Variants in ZNF547 observed in about 807,000 individuals in gnomAD.
The protein encoded by ZNF547 is zinc finger protein 547.
Under a neutral mutation model 7.7 loss-of-function variants are expected in ZNF547, and 4 were observed. The observed-to-expected ratio is 0.52, with a 90% confidence interval of 0.26 to 1.20. The LOEUF (loss-of-function observed/expected upper bound fraction) is 1.20. Among genes scored for constraint, ZNF547 ranks in the 50% most tolerant of loss-of-function variants. ZNF547 has a pLI of 0.14. For missense variants in ZNF547, 449 were observed against 485.8 expected, an observed-to-expected ratio of 0.92 and a Z score of 0.71; for synonymous variants, 166 against 166.2, an observed-to-expected ratio of 1.00 and a Z score of 0.01.
chr19:57,365,710 T>C (rs1478339296), intron 1 of ZNF547, among the ~76,000 whole-genome samples: 3 of 152,076 alleles, frequency 2.0e-5, no homozygotes, highest in Non-Finnish European at 4.4e-5. Context: ...AGTTTCGCCA[T>C]GTTGGTCAGG....
At chr19:57,366,650 A>G (rs1445047373) in intron 1 of ZNF547, among the ~76,000 whole-genome samples, 1 of 146,594 alleles carries the variant, frequency 6.8e-6, no homozygotes, top group Non-Finnish European at 1.5e-5. Flanking sequence ...ACTTCAAGCG[A>G]TTCTCCTGCC....
At position 57,378,226 on chromosome 19, in the gene ZNF547, A is replaced by C; in HGVS notation, c.*41A>C. 1 of 1,553,374 alleles carries C rather than the reference A, an allele frequency of 6.4e-7. No homozygotes were observed. Among genetic ancestry groups the C allele is most frequent in the African/African-American group, 1.4e-5 (1 of 73,786 alleles). On this transcript the variant is annotated 3_prime_UTR_variant, in exon 4 of 4. Coordinates refer to ENST00000282282, the MANE Select transcript of ZNF547 (RefSeq NM_173631.4). ...AGTGGATATGGGAAAGCCTTCAGTCACCAACATATTGTGGCTGGACAGCAG... is the reference window on the plus strand; with the variant it reads ...AGTGGATATGGGAAAGCCTTCAGTCCCCAACATATTGTGGCTGGACAGCAG...
chr19:57,377,964 G>A lies in ZNF547; in HGVS notation c.988G>A (p.Gly330Arg). The A allele has an allele frequency of 6.2e-7, 1 of 1,614,142 alleles. No individual in the cohort carries two copies. Among genetic ancestry groups the A allele is most frequent in the Non-Finnish European group, 8.5e-7 (1 of 1,179,978 alleles). The change falls in exon 4 of 4, where the codon GGG becomes AGG. Residue 330 changes from glycine to arginine, a missense_variant. Gly to Arg is a moderately radical substitution (Grantham distance 125). Transcript: ENST00000282282. Reference sequence around the variant, plus strand: ...AAGGCCTTATGAGTGCAATGAATGTGGGAAATTCTTCAGCTTGAAATCCGT... The same window carrying A: ...AAGGCCTTATGAGTGCAATGAATGTAGGAAATTCTTCAGCTTGAAATCCGT... ...GERPYECNEC[G>R]KFFSLKSVLI...
Position 57,378,026 on chromosome 19 carries a change from G to T in ZNF547, c.1050G>T (p.Arg350=), listed in dbSNP as rs754081206. The stretch of plus-strand genomic sequence containing the variant: ...ACCAAAGAGTTCACACTGGAGAACG[G>T]CCTTATGAATGCAGTGAGTGTGGGA... The part of the protein sequence containing the change: ...IQHQRVHTGE[R]PYECSECGKA... The change falls in exon 4 of 4, where the codon CGG becomes CGT. Residue 350 remains arginine, a synonymous_variant. Transcript: ENST00000282282. 5.0e-6 allele frequency: 8 copies of T among 1,614,028 alleles called. No homozygotes were observed. Among genetic ancestry groups the T allele is most frequent in the Admixed American group, 1.7e-5 (1 of 59,988 alleles).
In ZNF547 at chr19:57,379,228, C is replaced by A. The variant is rs1191936024; in HGVS notation, c.*1043C>A. 6.6e-6 allele frequency: 1 copy of A among 152,222 alleles called. No homozygotes were observed. The highest frequency in any genetic ancestry group is 2.4e-5 in the African/African-American group (1 of 41,442). 9.4% of individuals were successfully genotyped at this position (152,222 alleles called of 1,614,324 possible). A position where few individuals can be genotyped will look rare whatever the true frequency, so the allele number is the denominator to read the frequency against. ...CTGCTGGATCACATGGTACTTCTAACTTTAATTCTTTGATGAACTGAGAAA... is the reference window on the plus strand; with the variant it reads ...CTGCTGGATCACATGGTACTTCTAAATTTAATTCTTTGATGAACTGAGAAA... On this transcript the variant is annotated 3_prime_UTR_variant, in exon 4 of 4. Transcript: ENST00000282282.
chr19:57,372,746 C>T (rs961505814), intron 3 of ZNF547, among the ~76,000 whole-genome samples: 2 of 152,244 alleles, frequency 1.3e-5, no homozygotes, highest in South Asian at 2.1e-4. Context: ...GCAGTGCCAT[C>T]CACTGCATGA....
chr19:57,371,783 G>T lies in ZNF547; in HGVS notation c.26G>T (p.Gly9Val), dbSNP rs770927381. 13 of 1,610,172 alleles carry T rather than the reference G, an allele frequency of 8.1e-6. No individual in the cohort carries two copies. Among genetic ancestry groups the T allele is most frequent in the Non-Finnish European group, 1.0e-5 (12 of 1,178,776 alleles). MAEMNPAQ[G>V]HVVFEDVAIY... ...TATTCATCTTTCCCAATTTGGCAGG[G>T]TCATGTGGTTTTTGAAGACGTGGCC... The change falls in exon 3 of 4, where the codon GGT (glycine) becomes GTT (valine). Residue 9 changes from glycine (G) to valine (V), a missense_variant and splice_region_variant. Coordinates refer to ENST00000282282, the MANE Select transcript of ZNF547 (RefSeq NM_173631.4).
chr19:57,368,542 AG>A lies in ZNF547; in HGVS notation c.-11del. ...TTTCTCACGGTTTCCCTCTTCCTTCAGGGTCCCCTGGCGATGGCAGAAATGA... is the reference window on the plus strand; with the variant it reads ...TTTCTCACGGTTTCCCTCTTCCTTCAGGTCCCCTGGCGATGGCAGAAATGA... On this transcript the variant is annotated splice_acceptor_variant, in intron 1 of 3. Coordinates refer to ENST00000282282, the MANE Select transcript of ZNF547 (RefSeq NM_173631.4). LOFTEE classifies it low-confidence loss of function (5UTR_SPLICE). 1 of 1,614,034 alleles carries A rather than the reference AG, an allele frequency of 6.2e-7. No individual in the cohort carries two copies. Among genetic ancestry groups the A allele is most frequent in the Non-Finnish European group, 8.5e-7 (1 of 1,179,932 alleles).
At chr19:57,370,067 A>G (rs552739477) in intron 2 of ZNF547, among the ~76,000 whole-genome samples, 69 of 151,648 alleles carry the variant, frequency 4.6e-4, no homozygotes, top group African/African-American at 1.6e-3. Flanking sequence ...TAATTTTTGT[A>G]TTTTTAGTAG....
chr19:57,365,243 ACCTT>A (rs1203151040), intron 1 of ZNF547: 1 of 1,566,702 alleles, frequency 6.4e-7, no homozygotes, highest in African/African-American at 1.4e-5. Context: ...GGGAAGAAAC[ACCTT>A]TTAAGCTGAA....
chr19:57,366,603 G>T lies in ZNF547; in HGVS notation c.-12-1941G>T, dbSNP rs1256272107. Among the ~76,000 whole-genome samples the T allele has an allele frequency of 3.5e-5, 5 of 144,020 alleles. No homozygotes were observed. The East Asian group carries it at 8.3e-4, about 24-fold the overall frequency. The allele number at this position is 144,020 out of a possible 152,430, so 94.5% of individuals were successfully genotyped here. ...TTTGCTCTGTCGTCCAGGCTGGAGT[G>T]CAGTGGCGCTTGGCTCACTGCAACC... On this transcript the variant is annotated intron_variant, in intron 1 of 3. Transcript: ENST00000282282.
At chr19:57,369,896 G>GTTTTTTTTTTTTTTTTTT (rs1300181023) in intron 2 of ZNF547, among the ~76,000 whole-genome samples, 3 of 33,836 alleles carry the variant, frequency 8.9e-5, no homozygotes, top group African/African-American at 2.0e-4. Flanking sequence ...TTGACTCACA[G>GTTTTTTTTTTTTTTTTTT]TTCTTTTTTT....
In ZNF547 at chr19:57,377,742, AT is replaced by A; in HGVS notation, c.768del (p.Thr257HisfsTer79). On this transcript the variant is annotated frameshift_variant, in exon 4 of 4. Transcript: ENST00000282282. LOFTEE classifies it low-confidence loss of function (END_TRUNC). ...GKLFMWSSTL[I>X]THQRVHTGKR... Reference sequence around the variant, plus strand: ...ATTGTTTATGTGGAGTTCCACACTCATTACACATCAGAGGGTTCACACTGGA... The same window carrying A: ...ATTGTTTATGTGGAGTTCCACACTCATACACATCAGAGGGTTCACACTGGA... The A allele has an allele frequency of 6.2e-7, 1 of 1,614,118 alleles. No individual in the cohort carries two copies. Among genetic ancestry groups the A allele is most frequent in the Non-Finnish European group, 8.5e-7 (1 of 1,180,012 alleles).
At chr19:57,375,624 T>G (rs1420979534) in intron 3 of ZNF547, among the ~76,000 whole-genome samples, 1 of 132,496 alleles carries the variant, frequency 7.5e-6, no homozygotes, top group Non-Finnish European at 1.5e-5. Context: ...ATCAAGCCAC[T>G]GCACTCCAGG....
intron 3 of ZNF547, among the ~76,000 whole-genome samples, chr19:57,374,306 T>A (rs1289011879): frequency 6.6e-6 from 1 of 152,200 alleles, no homozygotes; most frequent in Non-Finnish European, 1.5e-5. Flanking sequence ...GGGCGCCATG[T>A]CCCGAGGCTG....
chr19:57,365,329 T>C, intron 1 of ZNF547: 2 of 1,021,640 alleles, frequency 2.0e-6, no homozygotes, highest in South Asian at 1.5e-5. Context: ...TGTAAATTAC[T>C]TGATTAAATA....
At position 57,368,534 on chromosome 19, in the gene ZNF547, C is replaced by A; in HGVS notation, c.-12-10C>A. ...GTTGCCCATTTCTCACGGTTTCCCT[C>A]TTCCTTCAGGGTCCCCTGGCGATGG... On this transcript the variant is annotated splice_polypyrimidine_tract_variant and intron_variant, in intron 1 of 3. Coordinates refer to ENST00000282282, the MANE Select transcript of ZNF547 (RefSeq NM_173631.4). The A allele has an allele frequency of 6.2e-7, 1 of 1,614,048 alleles. No homozygotes were observed. The highest frequency in any genetic ancestry group is 1.1e-5 in the South Asian group (1 of 91,064).
chr19:57,374,901 C>G (rs2088526898), intron 3 of ZNF547, among the ~76,000 whole-genome samples: 2 of 152,100 alleles, frequency 1.3e-5, no homozygotes, highest in Admixed American at 1.3e-4. Flanking sequence ...CCAAACTTTC[C>G]CACATTTCCT....
intron 1 of ZNF547, chr19:57,364,708 T>C (rs561340037): frequency 1.2e-6 from 1 of 825,588 alleles, no homozygotes; most frequent in Non-Finnish European, 1.9e-6. Flanking sequence ...GCCATTGCAC[T>C]CCAGCCTGGG....
Sources: gnomAD v4.1 joint callset for allele counts (sites outside exome capture counted in the v4.1 genomes callset) on GRCh38, gnomAD v4.1.1 for gene constraint, MANE v1.5 for transcripts, NCBI Gene and HGNC (gene_info 2026-07-23, HGNC 2026-07-21) for gene names.